The following CMTM6 variants were observed in gnomAD, a reference collection of about 807,000 sequenced individuals.
CMTM6 encodes CKLF like MARVEL transmembrane domain containing 6.
A neutral mutation model predicts 13.6 loss-of-function variants in CMTM6; 5 were observed. The observed-to-expected ratio is 0.37, with a 90% confidence interval of 0.19 to 0.77. The LOEUF (loss-of-function observed/expected upper bound fraction) is 0.77, where lower values mean the gene tolerates loss of function less well. CMTM6 is among the 30% of genes least tolerant of loss of function. The pLI, the probability that CMTM6 is intolerant of heterozygous loss-of-function variation, is 0.50. For missense variants in CMTM6, 196 were observed against 218.6 expected, an observed-to-expected ratio of 0.90 and a Z score of 0.65; for synonymous variants, 99 against 84.5, an observed-to-expected ratio of 1.17 and a Z score of -0.94.
rs893994079 is a variant in CMTM6, at chr3:32,492,051, C to T, written c.139-165G>A. Among the ~76,000 whole-genome samples, 10 of 152,082 alleles carry T rather than the reference C, an allele frequency of 6.6e-5. No homozygotes were observed. In the East Asian group the frequency reaches 1.7e-3, roughly 26 times the overall value. On this transcript the variant is annotated intron_variant, in intron 1 of 3. Transcript: ENST00000205636. ...ATCTACACAGAACTTACAGTTTGGC[C>T]GCCTTGAAGGAAATACAGGTAAATA...
intron 2 of CMTM6, among the ~76,000 whole-genome samples, chr3:32,489,810 A>C (rs1697235768): frequency 1.3e-5 from 2 of 152,224 alleles, no homozygotes; most frequent in Admixed American, 6.5e-5. Flanking sequence ...AATTGAAACA[A>C]GACAATCATT....
rs34329140 is a variant in CMTM6 at position 32,487,968 on chromosome 3, A to G, written c.384T>C (p.His128=). The part of the protein sequence containing the change: ...LLASIIFVST[H]DRTSAEIAAI... Reference sequence around the variant, plus strand: ...CAGCAATCTCAGCTGAAGTCCTGTCATGTGTGGAAACAAAAATGATGGATG... The same window carrying G: ...CAGCAATCTCAGCTGAAGTCCTGTCGTGTGTGGAAACAAAAATGATGGATG... Residue 128 remains histidine, a synonymous_variant, in exon 3 of 4, where the codon CAT becomes CAC. Transcript: ENST00000205636. 5.1e-4 allele frequency: 829 copies of G among 1,613,828 alleles called. 7 individuals are homozygous for G. In the African/African-American group the frequency reaches 9.4e-3, roughly 18 times the overall value.
At chr3:32,492,892 T>C (rs2125657807) in intron 1 of CMTM6, among the ~76,000 whole-genome samples, 1 of 152,376 alleles carries the variant, frequency 6.6e-6, no homozygotes, top group Non-Finnish European at 1.5e-5. Flanking sequence ...TCATCATCTA[T>C]GGACTACTAC....
chr3:32,488,237 G>A, intron 2 of CMTM6: 1 of 475,224 alleles, frequency 2.1e-6, no homozygotes. Flanking sequence ...TCCACACTGG[G>A]CTGGGATTAT....
chr3:32,502,645 AGCCGG>A lies in CMTM6; in HGVS notation c.96_100del (p.Arg33ProfsTer22), dbSNP rs762155822. On this transcript the variant is annotated frameshift_variant, in exon 1 of 4. Transcript: ENST00000205636. LOFTEE classifies it high-confidence loss of function. ...CTTGAGAACGCGCCGGAGCAATGGG[AGCCGG>A]CCCATGAAAAAGTAGGCAGCGAGGC... 3 of 1,595,764 alleles carry A rather than the reference AGCCGG, an allele frequency of 1.9e-6. No individual in the cohort carries two copies. The highest frequency in any genetic ancestry group is 2.6e-6 in the Non-Finnish European group (3 of 1,173,006).
rs1176232265 is a variant in CMTM6, at chr3:32,481,742, A to G, written c.*2218T>C. 6.6e-6 allele frequency: 1 copy of G among 152,210 alleles called. No individual in the cohort carries two copies. Among genetic ancestry groups the G allele is most frequent in the Non-Finnish European group, 1.5e-5 (1 of 68,032 alleles). 9.4% of individuals were successfully genotyped at this position (152,210 alleles called of 1,614,324 possible). A position where few individuals can be genotyped will look rare whatever the true frequency, so the allele number is the denominator to read the frequency against. ...AAGGCTAACCATTCATGGGTCCCAT[A>G]AAAAACAATGTGAAGGAAGGTTCTA... On this transcript the variant is annotated 3_prime_UTR_variant, in exon 4 of 4. Transcript: ENST00000205636.
At chr3:32,496,982 G>C (rs1183905295) in intron 1 of CMTM6, among the ~76,000 whole-genome samples, 1 of 152,110 alleles carries the variant, frequency 6.6e-6, no homozygotes, top group East Asian at 1.9e-4. Flanking sequence ...GAAAACAGGA[G>C]GAACAGAGGA....
chr3:32,491,989 A>C, intron 1 of CMTM6, 103 bp from the exon 2 acceptor site: 2 of 984,742 alleles, frequency 2.0e-6, no homozygotes, highest in Non-Finnish European at 3.0e-6. Flanking sequence ...ATTTACAATG[A>C]GGAGACTATG....
At chr3:32,489,803 T>C (rs1477294105) in intron 2 of CMTM6, among the ~76,000 whole-genome samples, 3 of 152,210 alleles carry the variant, frequency 2.0e-5, no homozygotes, top group Admixed American at 2.0e-4. Context: ...TCAAGTTAAT[T>C]GAAACAAGAC....
At chr3:32,501,204 A>G (rs961202757) in intron 1 of CMTM6, among the ~76,000 whole-genome samples, 1 of 152,046 alleles carries the variant, frequency 6.6e-6, no homozygotes, top group African/African-American at 2.4e-5. Context: ...AAAAAAAAAA[A>G]AAAGCTTCAG....
chr3:32,482,644 A>C lies in CMTM6; in HGVS notation c.*1316T>G, dbSNP rs554240337. 4.0e-5 allele frequency: 6 copies of C among 151,584 alleles called. No homozygotes were observed. The highest frequency in any genetic ancestry group is 1.2e-4 in the African/African-American group (5 of 41,202). The allele number at this position is 151,584 out of a possible 1,614,324, so 9.4% of individuals were successfully genotyped here. ...AACAGACAATTCTGGTTATGAAGTT[A>C]TCTCTTGAGAATGGCTTGATTCTCT... is the stretch of plus-strand genomic sequence containing the variant. On this transcript the variant is annotated 3_prime_UTR_variant, in exon 4 of 4. Coordinates refer to ENST00000205636, the MANE Select transcript of CMTM6 (RefSeq NM_017801.3).
At chr3:32,485,040 C>T (rs1367809609) in intron 3 of CMTM6, among the ~76,000 whole-genome samples, 1 of 151,920 alleles carries the variant, frequency 6.6e-6, no homozygotes, top group Non-Finnish European at 1.5e-5. Context: ...CCTCCCATCC[C>T]CCGCCACAAA....
In CMTM6 at chr3:32,502,651, C is replaced by G. The variant is rs769365885; in HGVS notation, c.95G>C (p.Gly32Ala). Reference protein sequence around the residue: ...RSGLAAYFFMGRLPLLRRVLK... With the variant: ...RSGLAAYFFMARLPLLRRVLK... ...AACGCGCCGGAGCAATGGGAGCCGG[C>G]CCATGAAAAAGTAGGCAGCGAGGCC... The change falls in exon 1 of 4, where the codon GGC (glycine) becomes GCC (alanine). Residue 32 changes from glycine to alanine, a missense_variant. This residue lies in a region of CMTM6 where 85 missense variants were observed against 58.7 expected (regional missense o/e 1.45). Coordinates refer to ENST00000205636, the MANE Select transcript of CMTM6 (RefSeq NM_017801.3). The G allele has an allele frequency of 5.0e-6, 8 of 1,595,018 alleles. No individual in the cohort carries two copies. Among genetic ancestry groups the G allele is most frequent in the Non-Finnish European group, 6.8e-6 (8 of 1,172,602 alleles).
rs1042378290 is a variant in CMTM6 at position 32,485,899 on chromosome 3, A to G, written c.415-1802T>C. On this transcript the variant is annotated intron_variant, in intron 3 of 3. Transcript: ENST00000205636. ...TTCAATTTTGTTTTTGGTTTTTGAGATGGAGTCTCACTCTGTCACTTACAC... is the reference window on the plus strand; with the variant it reads ...TTCAATTTTGTTTTTGGTTTTTGAGGTGGAGTCTCACTCTGTCACTTACAC... 2.0e-5 allele frequency among the ~76,000 whole-genome samples: 3 copies of G among 152,162 alleles called. No individual in the cohort carries two copies. The East Asian group carries it at 5.8e-4, about 29-fold the overall frequency.
At chr3:32,495,719 A>T (rs1697284315) in intron 1 of CMTM6, among the ~76,000 whole-genome samples, 1 of 152,188 alleles carries the variant, frequency 6.6e-6, no homozygotes. Flanking sequence ...TACTTTCAGT[A>T]AAAAAAGACA....
chr3:32,484,910 C>G lies in CMTM6; in HGVS notation c.415-813G>C, dbSNP rs1048265240. Among the ~76,000 whole-genome samples, 4 of 152,188 alleles carry G rather than the reference C, an allele frequency of 2.6e-5. No homozygotes were observed. The East Asian group carries it at 5.8e-4, about 22-fold the overall frequency. On this transcript the variant is annotated intron_variant, in intron 3 of 3. Coordinates refer to ENST00000205636, the MANE Select transcript of CMTM6 (RefSeq NM_017801.3). ...TGCAGTCTCCTGACCTCTCCTCCCCCCTCTAAAGAATAAGCATTCCACCTC... is the reference window on the plus strand; with the variant it reads ...TGCAGTCTCCTGACCTCTCCTCCCCGCTCTAAAGAATAAGCATTCCACCTC...
intron 1 of CMTM6, among the ~76,000 whole-genome samples, chr3:32,499,874 C>G (rs552730907): frequency 3.4e-5 from 5 of 147,404 alleles, no homozygotes; most frequent in African/African-American, 1.2e-4. Context: ...TCTGTAATAG[C>G]AAACCCCATG....
At chr3:32,492,654 A>G (rs984367483) in intron 1 of CMTM6, among the ~76,000 whole-genome samples, 2 of 152,216 alleles carry the variant, frequency 1.3e-5, no homozygotes, top group Non-Finnish European at 2.9e-5. Context: ...GGGAGCAGCA[A>G]TAGAGAAGAG....
At chr3:32,497,807 G>A (rs1213629027) in intron 1 of CMTM6, among the ~76,000 whole-genome samples, 2 of 150,472 alleles carry the variant, frequency 1.3e-5, no homozygotes, top group East Asian at 2.0e-4. Flanking sequence ...GCAATGAGCC[G>A]AGACTGCACC....
Sources: gnomAD v4.1 joint callset for allele counts (sites outside exome capture counted in the v4.1 genomes callset) on GRCh38, gnomAD v4.1.1 for gene constraint, gnomAD v4.1.1 regional missense constraint, MANE v1.5 for transcripts, NCBI Gene and HGNC (gene_info 2026-07-23, HGNC 2026-07-21) for gene names.